Variants in SLC25A26 observed in about 807,000 individuals in gnomAD.
The protein encoded by SLC25A26 is solute carrier family 25 member 26.
A neutral mutation model predicts 37.8 loss-of-function variants in SLC25A26; 36 were observed. The observed-to-expected ratio is 0.95, with a 90% CI of 0.73 to 1.26. SLC25A26 has a LOEUF of 1.26. Ranked by LOEUF, SLC25A26 falls within the 50% of genes most tolerant of loss-of-function variation. SLC25A26 has a pLI of 0.00. For missense variants in SLC25A26, 390 were observed against 331.1 expected, an observed-to-expected ratio of 1.18 and a Z score of -1.38; for synonymous variants, 129 against 122.5, an observed-to-expected ratio of 1.05 and a Z score of -0.35.
Position 66,236,768 on chromosome 3 carries a change from T to G in SLC25A26, c.190+68T>G, listed in dbSNP as rs1023622048. 4 of 1,220,768 alleles carry G rather than the reference T, an allele frequency of 3.3e-6. No individual in the cohort carries two copies. In the African/African-American group the frequency reaches 6.1e-5, roughly 19 times the overall value. 75.6% of individuals were successfully genotyped at this position (1,220,768 alleles called of 1,614,324 possible). A position where few individuals can be genotyped will look rare whatever the true frequency, so the allele number is the denominator to read the frequency against. On this transcript the variant is annotated intron_variant, in intron 2 of 9. Coordinates refer to ENST00000354883, the MANE Select transcript of SLC25A26 (RefSeq NM_001379210.1). ...GGGATTTTCAGAATGGTGTGTGGTC[T>G]TACCCCCATAGAATTCCTTGTGTGT...
chr3:66,179,183 C>T lies in SLC25A26; in HGVS notation c.-353-41559C>T, dbSNP rs149160332. Among the ~76,000 whole-genome samples the T allele has an allele frequency of 2.9e-3, 438 of 152,234 alleles. 3 individuals carry two copies. Among genetic ancestry groups the T allele is most frequent in the African/African-American group, 1.0e-2 (414 of 41,538 alleles). ...CAAATTAGATAAAAAGTTAAAGCAGCTTTAAATGTTTTTAAATGAAATTTG... is the reference window on the plus strand; with the variant it reads ...CAAATTAGATAAAAAGTTAAAGCAGTTTTAAATGTTTTTAAATGAAATTTG... On this transcript the variant is annotated intron_variant, in intron 1 of 10. Transcript: ENST00000676754.
intron 5 of SLC25A26, among the ~76,000 whole-genome samples, chr3:66,343,025 C>T (rs929055980): frequency 6.6e-6 from 1 of 152,168 alleles, no homozygotes; most frequent in Admixed American, 6.5e-5. Flanking sequence ...TCATTTTCTT[C>T]ATCTATAAAA....
chr3:66,325,134 C>G (rs2107657780), intron 5 of SLC25A26, among the ~76,000 whole-genome samples: 1 of 152,286 alleles, frequency 6.6e-6, no homozygotes, highest in East Asian at 1.9e-4. Context: ...TTCCACAATT[C>G]TAGTACAAGC....
intron 1 of SLC25A26, among the ~76,000 whole-genome samples, chr3:66,174,734 C>G (rs1235141649): frequency 6.7e-6 from 1 of 149,936 alleles, no homozygotes; most frequent in African/African-American, 2.5e-5. Flanking sequence ...TGCAGTGAGC[C>G]GAGATCGCGC....
At chr3:66,288,745 G>T (rs2074601104) in intron 5 of SLC25A26, among the ~76,000 whole-genome samples, 2 of 152,116 alleles carry the variant, frequency 1.3e-5, no homozygotes, top group African/African-American at 4.8e-5. Context: ...ATTTAGGTTG[G>T]TTCCAAGTCT....
chr3:66,268,769 G>T (rs889127935), intron 5 of SLC25A26, among the ~76,000 whole-genome samples: 1 of 152,198 alleles, frequency 6.6e-6, no homozygotes, highest in African/African-American at 2.4e-5. Context: ...GGAGGTGATT[G>T]CATGGGTGGT....
chr3:66,285,690 C>A (rs2074488155), intron 5 of SLC25A26, among the ~76,000 whole-genome samples: 1 of 151,726 alleles, frequency 6.6e-6, no homozygotes, highest in Non-Finnish European at 1.5e-5. Flanking sequence ...CAACTCCTGA[C>A]CTCAAGTGAT....
At chr3:66,287,472 A>G (rs1490063646) in intron 5 of SLC25A26, among the ~76,000 whole-genome samples, 4 of 151,928 alleles carry the variant, frequency 2.6e-5, no homozygotes, top group African/African-American at 9.7e-5. Context: ...GAACATGCCT[A>G]TTTTCTCTTG....
At chr3:66,194,212 T>G (rs1031176686) in intron 1 of SLC25A26, among the ~76,000 whole-genome samples, 1 of 152,214 alleles carries the variant, frequency 6.6e-6, no homozygotes, top group Non-Finnish European at 1.5e-5. Flanking sequence ...TACAAATACC[T>G]TTTACAATGA....
intron 1 of SLC25A26, among the ~76,000 whole-genome samples, chr3:66,208,250 G>C (rs1266996758): frequency 1.3e-5 from 2 of 152,028 alleles, no homozygotes; most frequent in African/African-American, 4.8e-5. Context: ...TTTAAAAAGA[G>C]AGATGATTTT....
At chr3:66,297,727 A>T (rs148962945) in intron 5 of SLC25A26, among the ~76,000 whole-genome samples, 3 of 152,324 alleles carry the variant, frequency 2.0e-5, no homozygotes, top group African/African-American at 7.2e-5. Flanking sequence ...GCTTTCACAC[A>T]ACAGTGGCAG....
chr3:66,334,688 G>A (rs1177512235), intron 5 of SLC25A26, among the ~76,000 whole-genome samples: 2 of 151,992 alleles, frequency 1.3e-5, no homozygotes, highest in Non-Finnish European at 2.9e-5. Flanking sequence ...CTTGAGAATA[G>A]CATGTCCCAA....
At chr3:66,136,905 A>G (rs2069954758) in intron 1 of SLC25A26, among the ~76,000 whole-genome samples, 1 of 152,232 alleles carries the variant, frequency 6.6e-6, no homozygotes, top group Non-Finnish European at 1.5e-5. Context: ...AGAGAGCTTA[A>G]CAAAGAGAGT....
At chr3:66,210,810 G>A (rs1353511355) in intron 1 of SLC25A26, among the ~76,000 whole-genome samples, 1 of 119,060 alleles carries the variant, frequency 8.4e-6, no homozygotes, top group Admixed American at 9.1e-5. Context: ...TACTGCGCCC[G>A]GCCTCGACTC....
At chr3:66,295,428 G>A (rs964638120) in intron 5 of SLC25A26, among the ~76,000 whole-genome samples, 4 of 143,312 alleles carry the variant, frequency 2.8e-5, no homozygotes, top group Non-Finnish European at 6.0e-5. Context: ...TTTTGAGATG[G>A]AGTCTCGCTC....
chr3:66,162,998 T>C (rs1465011153), intron 1 of SLC25A26, among the ~76,000 whole-genome samples: 1 of 152,212 alleles, frequency 6.6e-6, no homozygotes, highest in East Asian at 1.9e-4. Context: ...CCTTTCACCC[T>C]GGCTCTTTCT....
At chr3:66,286,862 C>T (rs1295465487) in intron 5 of SLC25A26, among the ~76,000 whole-genome samples, 2 of 152,058 alleles carry the variant, frequency 1.3e-5, no homozygotes, top group Non-Finnish European at 2.9e-5. Context: ...GGGGTCTCAC[C>T]ATGTTGGCCA....
chr3:66,275,821 G>T (rs1455490012), intron 5 of SLC25A26, among the ~76,000 whole-genome samples: 1 of 151,978 alleles, frequency 6.6e-6, no homozygotes, highest in Admixed American at 6.6e-5. Flanking sequence ...AACAGTTTTT[G>T]AAGTGACACA....
chr3:66,252,960 A>C (rs2073142177), intron 3 of SLC25A26, among the ~76,000 whole-genome samples: 1 of 149,538 alleles, frequency 6.7e-6, no homozygotes, highest in Non-Finnish European at 1.5e-5. Flanking sequence ...GATTCACATC[A>C]CTGGTTTCTT....
Sources: allele counts gnomAD v4.1 joint callset (sites outside exome capture counted in the v4.1 genomes callset), GRCh38; gene constraint gnomAD v4.1.1; transcripts MANE v1.5; gene names NCBI Gene and HGNC (gene_info 2026-07-23, HGNC 2026-07-21).